FHIT: variants seen among roughly 807,000 people sequenced by gnomAD.
FHIT encodes the protein bis(5'-adenosyl)-triphosphatase.
A neutral mutation model predicts 17.9 loss-of-function variants in FHIT; 19 were observed. The ratio of observed to expected loss-of-function variants is 1.06; its 90% confidence interval spans 0.74 to 1.56. The LOEUF is 1.56. FHIT is among the 40% of genes most tolerant of loss of function. The pLI is 0.00. For missense variants in FHIT, 248 were observed against 189.2 expected, an observed-to-expected ratio of 1.31 and a Z score of -1.82; for synonymous variants, 81 against 69.7, an observed-to-expected ratio of 1.16 and a Z score of -0.81.
At chr3:59,827,280 T>A (rs1285625932) in intron 8 of FHIT, among the ~76,000 whole-genome samples, 1 of 152,174 alleles carries the variant, frequency 6.6e-6, no homozygotes, top group Non-Finnish European at 1.5e-5. Context: ...TATTCAACCA[T>A]GATGGACAAA....
At chr3:59,847,044 G>A (rs1701748209) in intron 8 of FHIT, among the ~76,000 whole-genome samples, 1 of 152,128 alleles carries the variant, frequency 6.6e-6, no homozygotes, top group Non-Finnish European at 1.5e-5. Flanking sequence ...TATTTATAAT[G>A]TGTTTTGGTG....
At chr3:60,153,601 G>T (rs1446892385) in intron 5 of FHIT, among the ~76,000 whole-genome samples, 1 of 152,128 alleles carries the variant, frequency 6.6e-6, no homozygotes, top group African/African-American at 2.4e-5. Flanking sequence ...GCTTTTCTTT[G>T]TTCTTCCCAG....
intron 4 of FHIT, among the ~76,000 whole-genome samples, chr3:60,556,510 C>G (rs996411406): frequency 6.6e-6 from 1 of 152,214 alleles, no homozygotes; most frequent in African/African-American, 2.4e-5. Flanking sequence ...CTACATTAGG[C>G]ACTTGACCTG....
At chr3:60,252,614 T>C (rs1047916215) in intron 5 of FHIT, among the ~76,000 whole-genome samples, 1 of 151,880 alleles carries the variant, frequency 6.6e-6, no homozygotes, top group African/African-American at 2.4e-5. Context: ...TCAAAGGGTA[T>C]TATGGTAGTA....
At chr3:60,113,298 TG>T (rs1704763331) in intron 5 of FHIT, among the ~76,000 whole-genome samples, 1 of 152,098 alleles carries the variant, frequency 6.6e-6, no homozygotes, top group Admixed American at 6.5e-5. Flanking sequence ...TTCAATAAAT[TG>T]TTTAATGCAT....
chr3:59,953,518 G>A (rs10866032), intron 7 of FHIT, among the ~76,000 whole-genome samples: 1 of 152,126 alleles, frequency 6.6e-6, no homozygotes, highest in African/African-American at 2.4e-5. Context: ...TACCTTGGTC[G>A]AAACACTTGC....
intron 1 of FHIT, among the ~76,000 whole-genome samples, chr3:61,201,502 G>C (rs566074353): frequency 6.6e-6 from 1 of 152,222 alleles, no homozygotes; most frequent in African/African-American, 2.4e-5. Context: ...CAGTAGTTGG[G>C]GATAGACAGC....
intron 3 of FHIT, among the ~76,000 whole-genome samples, chr3:60,849,783 C>G (rs554387150): frequency 7.2e-5 from 11 of 152,132 alleles, no homozygotes; most frequent in African/African-American, 2.7e-4. Flanking sequence ...CATGCTTTCT[C>G]TCTCTCTCCC....
At chr3:59,985,294 G>A (rs1488244345) in intron 7 of FHIT, among the ~76,000 whole-genome samples, 1 of 152,096 alleles carries the variant, frequency 6.6e-6, no homozygotes, top group Admixed American at 6.6e-5. Flanking sequence ...AAATGCCACA[G>A]AATTCCATTT....
intron 5 of FHIT, among the ~76,000 whole-genome samples, chr3:60,158,013 G>A (rs1204516389): frequency 6.6e-6 from 1 of 152,168 alleles, no homozygotes. Context: ...TTAGAAGCAT[G>A]AGCAAAGTTC....
chr3:60,693,088 C>T (rs2041030040), intron 4 of FHIT, among the ~76,000 whole-genome samples: 1 of 152,120 alleles, frequency 6.6e-6, no homozygotes, highest in Admixed American at 6.6e-5. Context: ...TTTTTAGTGG[C>T]AGCGACTTCT....
At chr3:59,992,062 A>C (rs1202686883) in intron 7 of FHIT, among the ~76,000 whole-genome samples, 2 of 152,096 alleles carry the variant, frequency 1.3e-5, no homozygotes, top group Admixed American at 6.6e-5. Flanking sequence ...AAGTAAAACG[A>C]AACAGAGGAA....
chr3:60,109,056 A>C (rs964537412), intron 5 of FHIT, among the ~76,000 whole-genome samples: 5 of 152,136 alleles, frequency 3.3e-5, no homozygotes, highest in African/African-American at 1.2e-4. Flanking sequence ...TGCATTGCTA[A>C]CTGGGAGCTT....
intron 5 of FHIT, among the ~76,000 whole-genome samples, chr3:60,441,754 A>ATTTGTATTT (rs1401129617): frequency 1.5e-4 from 7 of 46,384 alleles, no homozygotes; most frequent in African/African-American, 5.4e-4. Context: ...TTATATATAT[A>ATTTGTATTT]AAAATATATA....
intron 7 of FHIT, among the ~76,000 whole-genome samples, chr3:59,946,330 G>A (rs760104299): frequency 6.6e-6 from 1 of 152,164 alleles, no homozygotes; most frequent in Non-Finnish European, 1.5e-5. Flanking sequence ...CTTGAATACT[G>A]TTGGTGTATA....
At chr3:61,089,234 C>T (rs1006714240) in intron 2 of FHIT, among the ~76,000 whole-genome samples, 5 of 152,216 alleles carry the variant, frequency 3.3e-5, no homozygotes, top group Middle Eastern at 3.4e-3. Context: ...GTAAGATATC[C>T]GTAACGTAAA....
At chr3:59,859,759 G>C (rs2106839173) in intron 8 of FHIT, among the ~76,000 whole-genome samples, 1 of 152,182 alleles carries the variant, frequency 6.6e-6, no homozygotes, top group South Asian at 2.1e-4. Context: ...TTCCAGATTG[G>C]AGGAAACTGA....
At chr3:61,171,129 T>G (rs2037991530) in intron 2 of FHIT, among the ~76,000 whole-genome samples, 2 of 152,202 alleles carry the variant, frequency 1.3e-5, no homozygotes. Context: ...TTTTTTAGCT[T>G]GTTAATAGTA....
At chr3:60,999,044 A>T (rs2030877399) in intron 3 of FHIT, among the ~76,000 whole-genome samples, 1 of 152,154 alleles carries the variant, frequency 6.6e-6, no homozygotes, top group South Asian at 2.1e-4. Flanking sequence ...TAACATGCAA[A>T]CTACTGTTTA....
Sources: gnomAD v4.1 joint callset for allele counts (sites outside exome capture counted in the v4.1 genomes callset) on GRCh38, gnomAD v4.1.1 for gene constraint, MANE v1.5 for transcripts, NCBI Gene and HGNC (gene_info 2026-07-23, HGNC 2026-07-21) for gene names.